CTDSPL2: variants seen among roughly 807,000 people sequenced by gnomAD.
CTDSPL2 encodes the protein CTD small phosphatase-like protein 2.
CTDSPL2 carries 5 observed loss-of-function variants against 60.0 expected under a neutral mutation model. The ratio of observed to expected loss-of-function variants is 0.08; its 90% CI spans 0.04 to 0.18. The LOEUF is 0.18. CTDSPL2 is among the 10% of genes least tolerant of loss of function. The pLI, the probability that CTDSPL2 is intolerant of heterozygous loss-of-function variation, is 1.00. For synonymous variants in CTDSPL2, 186 were observed against 189.3 expected (o/e 0.98, Z 0.14); for missense variants, 370 against 548.8 (o/e 0.67, Z 3.26).
intron 1 of CTDSPL2, among the ~76,000 whole-genome samples, chr15:44,432,742 C>T (rs1172809006): frequency 2.6e-5 from 4 of 151,832 alleles, no homozygotes; most frequent in African/African-American, 4.8e-5. Flanking sequence ...GTCTCAGTCC[C>T]CCGAATAGCT....
At chr15:44,448,737 A>T in intron 1 of CTDSPL2, 1 of 343,136 alleles carries the variant, frequency 2.9e-6, no homozygotes, top group South Asian at 2.8e-5. Flanking sequence ...TGGCATCGAT[A>T]GTCTGCCCTC....
At chr15:44,438,720 G>C (rs2080025069) in intron 1 of CTDSPL2, among the ~76,000 whole-genome samples, 1 of 152,162 alleles carries the variant, frequency 6.6e-6, no homozygotes, top group African/African-American at 2.4e-5. Flanking sequence ...GAACGTGGTT[G>C]AGTGTGAGTC....
At chr15:44,464,799 G>A (rs2080650254) in intron 2 of CTDSPL2, among the ~76,000 whole-genome samples, 1 of 152,138 alleles carries the variant, frequency 6.6e-6, no homozygotes, top group African/African-American at 2.4e-5. Context: ...CTGTCTCCTG[G>A]ATTCAAGCGA....
At chr15:44,499,422 C>A (rs566946491) in intron 7 of CTDSPL2, among the ~76,000 whole-genome samples, 1 of 152,178 alleles carries the variant, frequency 6.6e-6, no homozygotes, top group East Asian at 1.9e-4. Flanking sequence ...AAAAAAAACA[C>A]AGAGATTGCT....
chr15:44,519,446 A>G, intron 11 of CTDSPL2, 151 bp downstream of exon 11: 1 of 731,478 alleles, frequency 1.4e-6, no homozygotes. Flanking sequence ...AGAAATGACA[A>G]AGTGGTATAT....
intron 2 of CTDSPL2, among the ~76,000 whole-genome samples, chr15:44,474,222 G>T (rs1408151302): frequency 6.6e-6 from 1 of 151,986 alleles, no homozygotes; most frequent in African/African-American, 2.4e-5. Flanking sequence ...CGCCTGTAAC[G>T]CCTGTAATCC....
intron 2 of CTDSPL2, among the ~76,000 whole-genome samples, chr15:44,469,851 A>T (rs986437457): frequency 6.6e-6 from 1 of 152,142 alleles, no homozygotes; most frequent in African/African-American, 2.4e-5. Flanking sequence ...TAATCCCAGC[A>T]CTTTGGGAGG....
In CTDSPL2 at chr15:44,467,726, A is replaced by G. The variant is rs895637761; in HGVS notation, c.186+8526A>G. 3.9e-5 allele frequency among the ~76,000 whole-genome samples: 6 copies of G among 152,038 alleles called. No individual in the cohort carries two copies. In the East Asian group the frequency reaches 1.2e-3, roughly 29 times the overall value. On this transcript the variant is annotated intron_variant, in intron 2 of 12. Transcript: ENST00000260327. ...GTAACTGGGATTACAGGCACGTGAC[A>G]CCATGCCTGGCTAATTCTTTGTATT...
At chr15:44,461,425 A>T (rs138192560) in intron 2 of CTDSPL2, among the ~76,000 whole-genome samples, 4 of 151,984 alleles carry the variant, frequency 2.6e-5, no homozygotes, top group Admixed American at 6.6e-5. Context: ...ATCTTACTCT[A>T]TTGCCCAGGC....
intron 8 of CTDSPL2, among the ~76,000 whole-genome samples, chr15:44,504,336 C>T (rs542599284): frequency 1.3e-5 from 2 of 152,082 alleles, no homozygotes; most frequent in Non-Finnish European, 2.9e-5. Context: ...GGCGACAAAG[C>T]GAGTCTCCAT....
chr15:44,469,990 T>C (rs982752424), intron 2 of CTDSPL2, among the ~76,000 whole-genome samples: 24 of 148,764 alleles, frequency 1.6e-4, no homozygotes, highest in African/African-American at 3.2e-4. Flanking sequence ...CCCAGCTACT[T>C]GGGAGGCTGA....
chr15:44,437,331 A>C lies in CTDSPL2; in HGVS notation c.-25+9559A>C, dbSNP rs142504110. Among the ~76,000 whole-genome samples the C allele has an allele frequency of 5.9e-5, 9 of 152,314 alleles. 1 individual carries two copies. In the East Asian group the frequency reaches 1.7e-3, roughly 29 times the overall value. On this transcript the variant is annotated intron_variant, in intron 1 of 12. Coordinates refer to ENST00000260327, the MANE Select transcript of CTDSPL2 (RefSeq NM_016396.3). Reference sequence around the variant, plus strand: ...CATATACAATGTGCTATTTTCTCTTAATGTTGTTTAGGTAGAAATGTGTGC... The same window carrying C: ...CATATACAATGTGCTATTTTCTCTTCATGTTGTTTAGGTAGAAATGTGTGC...
At chr15:44,446,689 C>A (rs1306200271) in intron 1 of CTDSPL2, among the ~76,000 whole-genome samples, 3 of 139,906 alleles carry the variant, frequency 2.1e-5, no homozygotes, top group African/African-American at 8.0e-5. Context: ...ATTGCTGGCT[C>A]AGAAGAGGGA....
chr15:44,435,819 C>G (rs1288566696), intron 1 of CTDSPL2, among the ~76,000 whole-genome samples: 1 of 151,954 alleles, frequency 6.6e-6, no homozygotes, highest in Non-Finnish European at 1.5e-5. Context: ...GTTGGCCAGG[C>G]TGGTCTCGAA....
At chr15:44,444,489 C>T (rs2080161214) in intron 1 of CTDSPL2, among the ~76,000 whole-genome samples, 1 of 151,980 alleles carries the variant, frequency 6.6e-6, no homozygotes, top group Admixed American at 6.6e-5. Flanking sequence ...AGACCACAGG[C>T]ACACATCACT....
intron 2 of CTDSPL2, chr15:44,470,388 A>G (rs1029146504): frequency 4.0e-5 from 6 of 151,198 alleles, no homozygotes; most frequent in Admixed American, 3.3e-4. Context: ...CTTACTTACT[A>G]TTTGCATGAT....
At chr15:44,448,084 A>C in intron 1 of CTDSPL2, 2 of 248,432 alleles carry the variant, frequency 8.1e-6, no homozygotes, top group Non-Finnish European at 1.6e-5. Context: ...GTGATCCATC[A>C]TGGGGCTCAT....
chr15:44,457,924 A>G (rs1164335791), intron 1 of CTDSPL2, among the ~76,000 whole-genome samples: 2 of 152,088 alleles, frequency 1.3e-5, no homozygotes, highest in African/African-American at 2.4e-5. Context: ...TGTAGTTTCT[A>G]TTTTTTAAAA....
chr15:44,427,854 C>T (rs759618509), intron 1 of CTDSPL2, 82 bp downstream of exon 1: 50 of 395,804 alleles, frequency 1.3e-4, no homozygotes, highest in Non-Finnish European at 2.0e-4. Context: ...GGGATCTCCT[C>T]CCCTTCTAAA....
Sources: gnomAD v4.1 joint callset for allele counts (sites outside exome capture counted in the v4.1 genomes callset) on GRCh38, gnomAD v4.1.1 for gene constraint, MANE v1.5 for transcripts, NCBI Gene and HGNC (gene_info 2026-07-23, HGNC 2026-07-21) for gene names.